LSM14B: variants seen among roughly 807,000 people sequenced by gnomAD.
LSM14B encodes LSM family member 14B.
In LSM14B, 8 loss-of-function variants were observed where a neutral mutation model predicts 42.1. That is an observed-to-expected ratio of 0.19 (90% CI 0.11 to 0.34). LSM14B has a LOEUF of 0.34. LSM14B is among the 10% of genes least tolerant of loss of function. The probability of loss-of-function intolerance (pLI) is 1.00; values close to 1 mark genes in which losing one functional copy is unlikely to be tolerated. For synonymous variants in LSM14B, 219 were observed against 209.7 expected, an observed-to-expected ratio of 1.04 and a Z score of -0.38; for missense variants, 396 against 513.1, an observed-to-expected ratio of 0.77 and a Z score of 2.21.
At chr20:62,127,900 G>A (rs1416444222) in intron 3 of LSM14B, 16 of 696,154 alleles carry the variant, frequency 2.3e-5, no homozygotes, top group African/African-American at 1.8e-4. Context: ...AAGAATCAGC[G>A]GAGTAGTTTG....
In LSM14B at chr20:62,122,516, C is replaced by G. The variant is rs1373241457; in HGVS notation, c.-151C>G. The G allele has an allele frequency of 2.2e-6, 1 of 446,466 alleles. No homozygotes were observed. 27.7% of individuals were successfully genotyped at this position (446,466 alleles called of 1,614,324 possible). On this transcript the variant is annotated 5_prime_UTR_variant, in exon 1 of 9. Coordinates refer to ENST00000279068, the MANE Select transcript of LSM14B (RefSeq NM_144703.3). The surrounding 1 kb of genome is among the most constrained non-coding windows in gnomAD (Gnocchi z 4.6). ...TTGGTTCGCTCGGTGCCCGCGCAGGCCCCTCGGGCGGTGGCGAGGAGGCGC... is the reference window on the plus strand; with the variant it reads ...TTGGTTCGCTCGGTGCCCGCGCAGGGCCCTCGGGCGGTGGCGAGGAGGCGC...
rs115019503 is a variant in LSM14B, at chr20:62,130,361, C to T, written c.673+65C>T. ...GATCAGGCTGAGCTCTGCTTGCCCT[C>T]CTGCCTGCTTCTCTGGTTGACGGTT... On this transcript the variant is annotated intron_variant, in intron 5 of 8. Coordinates refer to ENST00000279068, the MANE Select transcript of LSM14B (RefSeq NM_144703.3). The surrounding 1 kb of genome is among the most constrained non-coding windows in gnomAD (Gnocchi z 4.1). 3,081 of 1,543,970 alleles carry T rather than the reference C, an allele frequency of 2.0e-3. 55 individuals are homozygous for T. In the African/African-American group the frequency reaches 0.035, roughly 17 times the overall value.
At chr20:62,126,233 A>G (rs781284644) in intron 2 of LSM14B, 71 bp from the exon 3 acceptor site, 2 of 1,608,330 alleles carry the variant, frequency 1.2e-6, no homozygotes, top group African/African-American at 2.7e-5. Context: ...CAGCTGAACA[A>G]GCGCCCTGAT....
chr20:62,127,776 A>ATGAC (rs1211843438), intron 3 of LSM14B: 11 of 1,053,404 alleles, frequency 1.0e-5, no homozygotes, highest in Non-Finnish European at 1.6e-5. Flanking sequence ...AGCAGACAGA[A>ATGAC]TGACAGTAGC....
chr20:62,131,233 A>G (rs1362566681), intron 6 of LSM14B, 123 bp from the exon 7 acceptor site: 3 of 1,133,858 alleles, frequency 2.6e-6, no homozygotes, highest in African/African-American at 1.6e-5. Flanking sequence ...TCTGCTTTGC[A>G]CAAGGCATAG....
At chr20:62,133,152 G>C in intron 7 of LSM14B, 138 bp from the exon 8 acceptor site, 1 of 1,038,928 alleles carries the variant, frequency 9.6e-7, no homozygotes, top group Non-Finnish European at 1.4e-6. Context: ...CTGGGCTCCA[G>C]AGCTGACGGG....
intron 7 of LSM14B, among the ~76,000 whole-genome samples, chr20:62,131,831 G>A (rs1196610314): frequency 6.6e-6 from 1 of 152,222 alleles, no homozygotes; most frequent in Non-Finnish European, 1.5e-5. Context: ...TCTGCTTGCT[G>A]GTCCCGCTGG....
In LSM14B at chr20:62,130,591, C is replaced by T; in HGVS notation, c.735C>T (p.Asn245=). The change falls in exon 6 of 9, where the codon AAC becomes AAT. Residue 245 remains asparagine, a synonymous_variant. Transcript: ENST00000279068. This position sits in a 1 kb window ranked among gnomAD's most constrained non-coding sequence, Gnocchi z 4.1. The part of the protein sequence containing the change: ...GQNRPTNVKE[N]TIKFEGDFDF... ...ACCGTCCAACTAACGTTAAGGAAAA[C>T]ACAATCAAATTTGAGGGTGACTTTG... 1 of 1,613,990 alleles carries T rather than the reference C, an allele frequency of 6.2e-7. No homozygotes were observed. The highest frequency in any genetic ancestry group is 1.6e-4 in the Middle Eastern group (1 of 6,062).
At position 62,126,392 on chromosome 20, in the gene LSM14B, C is replaced by T. The variant is rs201842409; in HGVS notation, c.380C>T (p.Ala127Val). Reference sequence around the variant, plus strand: ...GGGATGGCGCCCTACGGCCCGCTGGCGGCCAGCTCCCTGCTCAGCCAGCAG... The same window carrying T: ...GGGATGGCGCCCTACGGCCCGCTGGTGGCCAGCTCCCTGCTCAGCCAGCAG... ...FRGMAPYGPL[A>V]ASSLLSQQYA... The change falls in exon 3 of 9, where the codon GCG becomes GTG. Residue 127 changes from alanine (A) to valine (V), a missense_variant. Around this residue, in one of 3 missense-constraint regions of LSM14B, gnomAD observed 274 missense variants for 335.8 expected, o/e 0.82. Coordinates refer to ENST00000279068, the MANE Select transcript of LSM14B (RefSeq NM_144703.3). The T allele has an allele frequency of 2.5e-5, 40 of 1,611,660 alleles. No individual in the cohort carries two copies. The Admixed American group carries it at 2.8e-4, about 11-fold the overall frequency.
At position 62,124,307 on chromosome 20, in the gene LSM14B, C is replaced by T. The variant is rs2056519432; in HGVS notation, c.128-310C>T. ...ACGTGAACAGGGAGGCCTTACGAAG[C>T]AAGCCTTGTTTTGCTGAGAGCTCTG... On this transcript the variant is annotated intron_variant, in intron 1 of 8. Transcript: ENST00000279068. Among the ~76,000 whole-genome samples the T allele has an allele frequency of 3.3e-5, 5 of 152,270 alleles. No homozygotes were observed. The South Asian group carries it at 8.3e-4, about 25-fold the overall frequency.
rs2056440363 is a variant in LSM14B at position 62,122,816 on chromosome 20, GC to G, written c.127+26del. Reference sequence around the variant, plus strand: ...AAGGTAGCGGCCGCCGCCCGCCCGAGCCCGCTGACCCCCGTCCGCCAACAGC... The same window carrying G: ...AAGGTAGCGGCCGCCGCCCGCCCGAGCCGCTGACCCCCGTCCGCCAACAGC... On this transcript the variant is annotated intron_variant, in intron 1 of 8. Coordinates refer to ENST00000279068, the MANE Select transcript of LSM14B (RefSeq NM_144703.3). This position sits in a 1 kb window ranked among gnomAD's most constrained non-coding sequence, Gnocchi z 4.6. 1 of 1,475,850 alleles carries G rather than the reference GC, an allele frequency of 6.8e-7. No individual in the cohort carries two copies. Among genetic ancestry groups the G allele is most frequent in the Non-Finnish European group, 9.1e-7 (1 of 1,102,786 alleles). The allele number at this position is 1,475,850 out of a possible 1,614,324, so 91.4% of individuals were successfully genotyped here.
chr20:62,127,470 A>G (rs2056640288), intron 3 of LSM14B: 1 of 727,394 alleles, frequency 1.4e-6, no homozygotes, highest in Non-Finnish European at 2.3e-6. Context: ...TGTTTGTATG[A>G]CAGAATCCTA....
chr20:62,122,929 C>A lies in LSM14B; in HGVS notation c.127+136C>A. ...CAGAACCCACCCAGGGCACACCCGGCCCGAGATCCCCTGCCCGCGCCTTCA... is the reference window on the plus strand; with the variant it reads ...CAGAACCCACCCAGGGCACACCCGGACCGAGATCCCCTGCCCGCGCCTTCA... On this transcript the variant is annotated intron_variant, in intron 1 of 8. Coordinates refer to ENST00000279068, the MANE Select transcript of LSM14B (RefSeq NM_144703.3). This position sits in a 1 kb window ranked among gnomAD's most constrained non-coding sequence, Gnocchi z 4.6. 1.3e-6 allele frequency: 1 copy of A among 743,082 alleles called. No homozygotes were observed. Among genetic ancestry groups the A allele is most frequent in the Non-Finnish European group, 1.8e-6 (1 of 556,694 alleles). 46.0% of individuals were successfully genotyped at this position (743,082 alleles called of 1,614,324 possible).
intron 3 of LSM14B, among the ~76,000 whole-genome samples, chr20:62,126,813 A>T (rs762330430): frequency 6.6e-6 from 1 of 152,188 alleles, no homozygotes; most frequent in Non-Finnish European, 1.5e-5. Context: ...CCTGGCCAAC[A>T]TGGGGAAATC....
At position 62,122,817 on chromosome 20, in the gene LSM14B, C is replaced by T; in HGVS notation, c.127+24C>T. On this transcript the variant is annotated intron_variant, in intron 1 of 8. Coordinates refer to ENST00000279068, the MANE Select transcript of LSM14B (RefSeq NM_144703.3). The surrounding 1 kb of genome is among the most constrained non-coding windows in gnomAD (Gnocchi z 4.6). The stretch of plus-strand genomic sequence containing the variant: ...AGGTAGCGGCCGCCGCCCGCCCGAG[C>T]CCGCTGACCCCCGTCCGCCAACAGC... The T allele has an allele frequency of 1.4e-6, 2 of 1,470,178 alleles. No individual in the cohort carries two copies. Among genetic ancestry groups the T allele is most frequent in the Non-Finnish European group, 1.8e-6 (2 of 1,099,210 alleles). 91.1% of individuals were successfully genotyped at this position (1,470,178 alleles called of 1,614,324 possible). A position where few individuals can be genotyped will look rare whatever the true frequency, so the allele number is the denominator to read the frequency against.
rs1237457438 is a variant in LSM14B, at chr20:62,134,225, C to G, written c.*77C>G. The G allele has an allele frequency of 2.1e-6, 1 of 471,480 alleles. No homozygotes were observed. The highest frequency in any genetic ancestry group is 2.0e-5 in the African/African-American group (1 of 50,062). 29.2% of individuals were successfully genotyped at this position (471,480 alleles called of 1,614,324 possible). On this transcript the variant is annotated 3_prime_UTR_variant, in exon 9 of 9. Transcript: ENST00000279068. ...GTCAGGACGCGAGGAAAACGCTGCACTTACAGGGAGAGGTGGTCACTTTGT... is the reference window on the plus strand; with the variant it reads ...GTCAGGACGCGAGGAAAACGCTGCAGTTACAGGGAGAGGTGGTCACTTTGT...
chr20:62,127,412 A>G (rs1407033487), intron 3 of LSM14B, among the ~76,000 whole-genome samples: 2 of 152,178 alleles, frequency 1.3e-5, no homozygotes, highest in Admixed American at 1.3e-4. Context: ...TGCTATTCCT[A>G]GTGTGACAGG....
intron 2 of LSM14B, among the ~76,000 whole-genome samples, chr20:62,126,067 A>AAAAAC (rs1165820322): frequency 6.6e-6 from 1 of 152,238 alleles, no homozygotes; most frequent in African/African-American, 2.4e-5. Flanking sequence ...TCAAAAAACA[A>AAAAAC]AAAACAAAAC....
intron 1 of LSM14B, among the ~76,000 whole-genome samples, chr20:62,123,767 G>A (rs2056493793): frequency 1.3e-5 from 2 of 152,340 alleles, no homozygotes; most frequent in Admixed American, 1.3e-4. Flanking sequence ...ATGTGTAGAA[G>A]AACGCACTCA....
Sources: allele counts gnomAD v4.1 joint callset (sites outside exome capture counted in the v4.1 genomes callset), GRCh38; gene constraint gnomAD v4.1.1; regional missense constraint gnomAD v4.1.1; non-coding constraint Gnocchi (gnomAD v3.1); transcripts MANE v1.5; gene names NCBI Gene and HGNC (gene_info 2026-07-23, HGNC 2026-07-21).